SLC39A8: variants seen among roughly 807,000 people sequenced by gnomAD.
SLC39A8 encodes the protein metal cation symporter ZIP8.
SLC39A8 carries 15 observed loss-of-function variants against 40.4 expected under a neutral mutation model. The ratio of observed to expected loss-of-function variants is 0.37; its 90% CI spans 0.25 to 0.57. The LOEUF (loss-of-function observed/expected upper bound fraction) is 0.57. Among genes scored for constraint, SLC39A8 ranks in the 20% least tolerant of loss-of-function variants. The probability of loss-of-function intolerance (pLI) is 0.75; values close to 1 mark genes in which losing one functional copy is unlikely to be tolerated. For missense variants in SLC39A8, 472 were observed against 558.8 expected, an observed-to-expected ratio of 0.84 and a Z score of 1.57; for synonymous variants, 223 against 221.6, an observed-to-expected ratio of 1.01 and a Z score of -0.06.
In SLC39A8 at chr4:102,266,472, T is replaced by C. The variant is rs187811330; in HGVS notation, c.1233+1018A>G. Among the ~76,000 whole-genome samples, 283 of 152,336 alleles carry C rather than the reference T, an allele frequency of 1.9e-3. 2 individuals carry two copies. Among genetic ancestry groups the C allele is most frequent in the African/African-American group, 6.6e-3 (273 of 41,576 alleles). Reference sequence around the variant, plus strand: ...ATAAAAAACTCAAATTATTAAATTATGTATGTAATACATCCAGTTCCAAAT... The same window carrying C: ...ATAAAAAACTCAAATTATTAAATTACGTATGTAATACATCCAGTTCCAAAT... On this transcript the variant is annotated intron_variant, in intron 8 of 8. Coordinates refer to ENST00000356736, the MANE Select transcript of SLC39A8 (RefSeq NM_001135146.2).
At chr4:102,268,190 T>A in intron 6 of SLC39A8, 111 bp from the exon 7 acceptor site, 1 of 1,073,194 alleles carries the variant, frequency 9.3e-7, no homozygotes, top group Non-Finnish European at 1.4e-6. Context: ...CAACAGAAAG[T>A]CTTTTAGAGT....
intron 2 of SLC39A8, among the ~76,000 whole-genome samples, chr4:102,337,568 T>A (rs1003267029): frequency 3.3e-5 from 5 of 152,350 alleles, no homozygotes; most frequent in Non-Finnish European, 7.3e-5. Context: ...GTTGAAGTAC[T>A]TGGCTCGGCT....
Position 102,305,137 on chromosome 4 carries a change from A to G in SLC39A8, c.553-26T>C, listed in dbSNP as rs144832765. On this transcript the variant is annotated intron_variant, in intron 4 of 8. Coordinates refer to ENST00000356736, the MANE Select transcript of SLC39A8 (RefSeq NM_001135146.2). ...CTAAGGGAGAAAAAAGGGCAATTCA[A>G]GTAAAACCAAGAAATTTAACTTGAT... 47 of 1,595,064 alleles carry G rather than the reference A, an allele frequency of 2.9e-5. No individual in the cohort carries two copies. In the African/African-American group the frequency reaches 4.9e-4, roughly 17 times the overall value.
chr4:102,287,214 T>C lies in SLC39A8; in HGVS notation c.840+17103A>G, dbSNP rs185011705. Among the ~76,000 whole-genome samples the C allele has an allele frequency of 2.0e-5, 3 of 152,232 alleles. No homozygotes were observed. The East Asian group carries it at 5.8e-4, about 29-fold the overall frequency. On this transcript the variant is annotated intron_variant, in intron 6 of 8. Coordinates refer to ENST00000356736, the MANE Select transcript of SLC39A8 (RefSeq NM_001135146.2). The stretch of plus-strand genomic sequence containing the variant: ...TTGGCTGGCAGGTCATAGAGGAGCA[T>C]CAGTGAGTTCATGAACCCCTTTAAA...
downstream of SLC39A8, among the ~76,000 whole-genome samples, chr4:102,261,400 C>A (rs915303183): frequency 4.6e-5 from 7 of 152,164 alleles, no homozygotes; most frequent in African/African-American, 1.7e-4. Flanking sequence ...TAAAGAAACC[C>A]TTTTAGATGT....
intron 6 of SLC39A8, 25 bp from the exon 7 acceptor site, chr4:102,268,104 T>C (rs1428792434): frequency 1.9e-6 from 3 of 1,610,844 alleles, no homozygotes; most frequent in Admixed American, 1.7e-5. Flanking sequence ...ATTAAAATGA[T>C]AACCAACATT....
chr4:102,256,761 C>T (rs528945959), downstream of SLC39A8, among the ~76,000 whole-genome samples: 6 of 152,272 alleles, frequency 3.9e-5, no homozygotes, highest in South Asian at 4.1e-4. Context: ...CAGGATAAGA[C>T]GTTTACTGCT....
intron 6 of SLC39A8, among the ~76,000 whole-genome samples, chr4:102,280,959 T>C (rs1732844265): frequency 6.6e-6 from 1 of 152,168 alleles, no homozygotes; most frequent in Admixed American, 6.5e-5. Context: ...TGAGAGGTTT[T>C]CAAGAAATCT....
chr4:102,293,652 C>G (rs1360877988), intron 6 of SLC39A8, among the ~76,000 whole-genome samples: 1 of 151,874 alleles, frequency 6.6e-6, no homozygotes, highest in Non-Finnish European at 1.5e-5. Flanking sequence ...AGGAAGAAAT[C>G]TAACAGAATA....
intron 11 of SLC39A8, among the ~76,000 whole-genome samples, chr4:102,255,206 A>C (rs1731680275): frequency 6.6e-6 from 1 of 152,238 alleles, no homozygotes; most frequent in Non-Finnish European, 1.5e-5. Flanking sequence ...TGTTTGAAAT[A>C]AATATCTCAA....
Position 102,253,249 on chromosome 4 carries a change from C to A in SLC39A8, c.*480G>T, listed in dbSNP as rs1394623871. On this transcript the variant is annotated 3_prime_UTR_variant and NMD_transcript_variant, in exon 12 of 12. Transcript: ENST00000424970. ...CAGGTGTCACACCTACAAACAAAGT[C>A]CCTAGAAAGAAGAGGCTGTATCTTC... The A allele has an allele frequency of 1.2e-5, 5 of 424,374 alleles. No individual in the cohort carries two copies. The East Asian group carries it at 1.4e-4, about 12-fold the overall frequency. 26.3% of individuals were successfully genotyped at this position (424,374 alleles called of 1,614,324 possible).
chr4:102,289,984 G>A (rs951443378), intron 6 of SLC39A8, among the ~76,000 whole-genome samples: 1 of 152,146 alleles, frequency 6.6e-6, no homozygotes. Flanking sequence ...GTTCTACTGT[G>A]GGTAAAATGC....
intron 6 of SLC39A8, among the ~76,000 whole-genome samples, chr4:102,281,113 G>C (rs1732849810): frequency 6.6e-6 from 1 of 152,072 alleles, no homozygotes; most frequent in Admixed American, 6.6e-5. Context: ...CAGGACACAG[G>C]ATATCATTTC....
At chr4:102,259,391 A>G, downstream of SLC39A8, 2 of 1,139,472 alleles carry the variant, frequency 1.8e-6, no homozygotes, top group Non-Finnish European at 2.6e-6. Context: ...GAAGGAATTA[A>G]GCCATTGTAT....
Position 102,261,667 on chromosome 4 carries a change from G to T in SLC39A8, c.*1377C>A. The T allele has an allele frequency of 1.0e-6, 1 of 970,790 alleles. No homozygotes were observed. Among genetic ancestry groups the T allele is most frequent in the Non-Finnish European group, 1.2e-6 (1 of 816,208 alleles). The allele number at this position is 970,790 out of a possible 1,614,324, so 60.1% of individuals were successfully genotyped here. ...TTAAATAACAAATGACACAATACAT[G>T]GTTTCAAAAGGGTGTTTACTATTTG... On this transcript the variant is annotated 3_prime_UTR_variant, in exon 9 of 9. Transcript: ENST00000356736.
intron 6 of SLC39A8, among the ~76,000 whole-genome samples, chr4:102,269,343 T>C (rs1199529443): frequency 6.6e-6 from 1 of 152,224 alleles, no homozygotes; most frequent in Non-Finnish European, 1.5e-5. Context: ...GTGGCAAATC[T>C]GCACCTTTGG....
At chr4:102,341,439 G>A (rs190463637) in intron 2 of SLC39A8, among the ~76,000 whole-genome samples, 20 of 152,292 alleles carry the variant, frequency 1.3e-4, no homozygotes, top group African/African-American at 1.9e-4. Context: ...GCAGCACTGA[G>A]GCCATTCTTA....
chr4:102,295,940 A>G (rs1348525948), intron 6 of SLC39A8, among the ~76,000 whole-genome samples: 1 of 152,082 alleles, frequency 6.6e-6, no homozygotes, highest in Non-Finnish European at 1.5e-5. Context: ...TTCCTTGGCA[A>G]GTGGCTCTAG....
chr4:102,291,451 G>A (rs1038607189), intron 6 of SLC39A8, among the ~76,000 whole-genome samples: 2 of 151,856 alleles, frequency 1.3e-5, no homozygotes, highest in African/African-American at 4.8e-5. Flanking sequence ...ATTCCAAAAT[G>A]TTCTCTCCCT....
Sources: gnomAD v4.1 joint callset for allele counts (sites outside exome capture counted in the v4.1 genomes callset) on GRCh38, gnomAD v4.1.1 for gene constraint, MANE v1.5 for transcripts, NCBI Gene and HGNC (gene_info 2026-07-23, HGNC 2026-07-21) for gene names.